The following OR9Q1 variants were observed in gnomAD, a reference collection of about 807,000 sequenced individuals.
The protein encoded by OR9Q1 is olfactory receptor family 9 subfamily Q member 1.
For synonymous variants in OR9Q1, 153 were observed against 148.6 expected (o/e 1.03, Z -0.22); for missense variants, 374 against 378.8 (o/e 0.99, Z 0.11).
In OR9Q1 at chr11:58,180,323, C is replaced by T; in HGVS notation, c.879C>T (p.Asn293=). Residue 293 remains asparagine (N), a synonymous_variant, in exon 3 of 3, where the codon AAC becomes AAT. Transcript: ENST00000335397. ...ATCCCCTCATCTACAGCCTGAGGAA[C>T]AAGGAAGTGAAGGAGGCCCTGAGAA... ...MLNPLIYSLR[N]KEVKEALRKI... is the part of the protein sequence containing the mutation. The T allele has an allele frequency of 1.2e-6, 2 of 1,608,176 alleles. No individual in the cohort carries two copies. Among genetic ancestry groups the T allele is most frequent in the South Asian group, 1.1e-5 (1 of 90,528 alleles).
intron 2 of OR9Q1, among the ~76,000 whole-genome samples, chr11:58,083,673 A>T (rs1441470546): frequency 7.2e-5 from 11 of 151,810 alleles, no homozygotes. Flanking sequence ...ATTCTTCTGC[A>T]TGTGGCTAGC....
intron 1 of OR9Q1, among the ~76,000 whole-genome samples, chr11:58,045,929 C>T (rs1047667428): frequency 5.3e-5 from 8 of 152,206 alleles, no homozygotes; most frequent in Non-Finnish European, 1.0e-4. Context: ...GCAACCTTGG[C>T]CCCTGCCCCA....
chr11:58,031,137 A>G lies in OR9Q1; in HGVS notation c.-93+7033A>G. ...GACCACCGACTACGGAGACCCATGTATTTCTTCCTGACACACTTGTCCTGC... is the reference window on the plus strand; with the variant it reads ...GACCACCGACTACGGAGACCCATGTGTTTCTTCCTGACACACTTGTCCTGC... On this transcript the variant is annotated intron_variant, in intron 1 of 2. Transcript: ENST00000335397. 4 of 1,614,056 alleles carry G rather than the reference A, an allele frequency of 2.5e-6. No homozygotes were observed. In the South Asian group the frequency reaches 3.3e-5, roughly 13 times the overall value.
rs1854637867 is a variant in OR9Q1, at chr11:58,179,450, A to C, written c.6A>C (p.Ala2=). 1.3e-6 allele frequency: 2 copies of C among 1,556,280 alleles called. No homozygotes were observed. Among genetic ancestry groups the C allele is most frequent in the Admixed American group, 1.9e-5 (1 of 53,850 alleles). ...TCTCAGGGACCACTGGTGTCATGGC[A>C]GAGATGAACCTCACCTTGGTGACCG... M[A]EMNLTLVTEF... is the part of the protein sequence containing the mutation. The change falls in exon 3 of 3, where the codon GCA becomes GCC. Residue 2 remains alanine (A), a synonymous_variant. Coordinates refer to ENST00000335397, the MANE Select transcript of OR9Q1 (RefSeq NM_001005212.4).
At chr11:58,064,582 G>A (rs1211292132) in intron 2 of OR9Q1, among the ~76,000 whole-genome samples, 1 of 152,116 alleles carries the variant, frequency 6.6e-6, no homozygotes, top group African/African-American at 2.4e-5. Context: ...AAGCTGATTG[G>A]ACAGCAGGGC....
chr11:58,031,205 G>C (rs1445228315), intron 1 of OR9Q1: 1 of 1,614,132 alleles, frequency 6.2e-7, no homozygotes, highest in East Asian at 2.2e-5. Context: ...CAAGATGCTG[G>C]CTGGTTTTAT....
chr11:58,139,267 G>A (rs963705220), intron 2 of OR9Q1, among the ~76,000 whole-genome samples: 1 of 145,020 alleles, frequency 6.9e-6, no homozygotes, highest in Admixed American at 7.3e-5. Context: ...TTAAGTTCAG[G>A]TGTTCATGTG....
intron 2 of OR9Q1, among the ~76,000 whole-genome samples, chr11:58,103,279 C>T (rs1853807837): frequency 6.6e-6 from 1 of 152,096 alleles, no homozygotes; most frequent in Non-Finnish European, 1.5e-5. Flanking sequence ...AATTCACTCA[C>T]CATCATGAGA....
rs534670429 is a variant in OR9Q1, at chr11:58,160,344, G to A, written c.-14-19087G>A. The stretch of plus-strand genomic sequence containing the variant: ...ACTAAGATTTGAGATAATTTATTAC[G>A]AAGTGATAGATAACTACAGATTGAA... On this transcript the variant is annotated intron_variant, in intron 2 of 2. Transcript: ENST00000335397. Among the ~76,000 whole-genome samples, 12 of 152,336 alleles carry A rather than the reference G, an allele frequency of 7.9e-5. No individual in the cohort carries two copies. The South Asian group carries it at 2.1e-3, about 26-fold the overall frequency.
intron 2 of OR9Q1, among the ~76,000 whole-genome samples, chr11:58,121,993 G>C (rs151309199): frequency 6.6e-6 from 1 of 152,288 alleles, no homozygotes; most frequent in Admixed American, 6.5e-5. Flanking sequence ...GGGGATAACA[G>C]GCAGGTCCTC....
intron 2 of OR9Q1, among the ~76,000 whole-genome samples, chr11:58,102,145 A>C (rs1316106949): frequency 6.6e-6 from 1 of 152,134 alleles, no homozygotes; most frequent in East Asian, 1.9e-4. Flanking sequence ...GCTAGTGTAT[A>C]CTTTTTAATT....
At chr11:58,135,765 G>A (rs1435816388) in intron 2 of OR9Q1, among the ~76,000 whole-genome samples, 1 of 152,164 alleles carries the variant, frequency 6.6e-6, no homozygotes, top group Non-Finnish European at 1.5e-5. Flanking sequence ...ACCTGACCTG[G>A]AGGTTCTAAG....
chr11:58,089,469 A>T (rs1309591844), intron 2 of OR9Q1, among the ~76,000 whole-genome samples: 2 of 151,518 alleles, frequency 1.3e-5, no homozygotes, highest in African/African-American at 4.9e-5. Flanking sequence ...ATGTGTATGT[A>T]TGGTGTTAAT....
Position 58,154,379 on chromosome 11 carries a change from ATTTTTT to A in OR9Q1, c.-14-25041_-14-25036del, listed in dbSNP as rs3085835. The stretch of plus-strand genomic sequence containing the variant: ...TTAGCAATAAAAATCAATGCAATGG[ATTTTTT>A]TTTTTTTTTTGTCCTGTGATGAAGC... On this transcript the variant is annotated intron_variant, in intron 2 of 2. Coordinates refer to ENST00000335397, the MANE Select transcript of OR9Q1 (RefSeq NM_001005212.4). 3.1e-4 allele frequency among the ~76,000 whole-genome samples: 43 copies of A among 140,966 alleles called. 1 individual carries two copies. The South Asian group carries it at 9.8e-3, about 32-fold the overall frequency. 92.5% of individuals were successfully genotyped at this position (140,966 alleles called of 152,430 possible).
chr11:58,039,509 C>T (rs530667641), intron 1 of OR9Q1, among the ~76,000 whole-genome samples: 1 of 152,202 alleles, frequency 6.6e-6, no homozygotes, highest in Non-Finnish European at 1.5e-5. Flanking sequence ...AACCCAGGAG[C>T]ACTTTCATTT....
At chr11:58,139,114 G>A (rs530760600) in intron 2 of OR9Q1, among the ~76,000 whole-genome samples, 2 of 152,178 alleles carry the variant, frequency 1.3e-5, no homozygotes, top group South Asian at 4.1e-4. Context: ...AACAGAAAAT[G>A]AAAAGAAAAT....
chr11:58,067,815 C>G (rs1468066523), intron 2 of OR9Q1, among the ~76,000 whole-genome samples: 3 of 152,202 alleles, frequency 2.0e-5, no homozygotes, highest in Non-Finnish European at 4.4e-5. Context: ...CTCCTGGATC[C>G]TGCCCCAGAC....
intron 2 of OR9Q1, among the ~76,000 whole-genome samples, chr11:58,061,448 C>A (rs898145842): frequency 6.6e-6 from 1 of 152,174 alleles, no homozygotes; most frequent in Non-Finnish European, 1.5e-5. Context: ...AATACATTAT[C>A]ATTAACCTTT....
intron 2 of OR9Q1, among the ~76,000 whole-genome samples, chr11:58,129,591 A>G (rs538892463): frequency 1.2e-4 from 18 of 152,164 alleles, no homozygotes; most frequent in African/African-American, 4.3e-4. Context: ...ACCCCAGCAT[A>G]TTCTGGCCTC....
Sources: allele counts gnomAD v4.1 joint callset (sites outside exome capture counted in the v4.1 genomes callset), GRCh38; gene constraint gnomAD v4.1.1; transcripts MANE v1.5; gene names NCBI Gene and HGNC (gene_info 2026-07-23, HGNC 2026-07-21).